Variants in MIPOL1 observed in about 807,000 individuals in gnomAD.
MIPOL1 encodes the protein mirror-image polydactyly 1.
In MIPOL1, 57 loss-of-function variants were observed where a neutral mutation model predicts 60.9. The ratio of observed to expected loss-of-function variants is 0.94; its 90% CI spans 0.76 to 1.17. MIPOL1 has a LOEUF of 1.17. Among genes scored for constraint, MIPOL1 ranks in the 50% most tolerant of loss-of-function variants. The pLI is 0.00. For missense variants in MIPOL1, 551 were observed against 511.6 expected, an observed-to-expected ratio of 1.08 and a Z score of -0.74; for synonymous variants, 179 against 168.8, an observed-to-expected ratio of 1.06 and a Z score of -0.47.
chr14:37,254,502 G>A (rs1974603569), intron 3 of MIPOL1, among the ~76,000 whole-genome samples: 1 of 151,620 alleles, frequency 6.6e-6, no homozygotes, highest in Non-Finnish European at 1.5e-5. Flanking sequence ...TAGATTTACA[G>A]TAAAATTGAG....
chr14:37,485,760 A>C (rs1010173246), intron 11 of MIPOL1, among the ~76,000 whole-genome samples: 90 of 151,808 alleles, frequency 5.9e-4, no homozygotes, highest in African/African-American at 1.8e-3. Context: ...GATTGCAAAA[A>C]TTTTCTCCCA....
chr14:37,252,728 T>C (rs1268107735), intron 3 of MIPOL1, among the ~76,000 whole-genome samples: 4 of 151,936 alleles, frequency 2.6e-5, no homozygotes, highest in African/African-American at 9.7e-5. Context: ...AATTCTGTAA[T>C]TGAATTATAA....
chr14:37,348,729 A>G (rs534871605), intron 9 of MIPOL1, among the ~76,000 whole-genome samples: 1 of 151,596 alleles, frequency 6.6e-6, no homozygotes, highest in Admixed American at 6.6e-5. Context: ...GAACCATCTC[A>G]TCTCTCTCCT....
chr14:37,214,255 A>G (rs1567012653), intron 1 of MIPOL1, among the ~76,000 whole-genome samples: 1 of 152,238 alleles, frequency 6.6e-6, no homozygotes, highest in Non-Finnish European at 1.5e-5. Context: ...ACAAAAAAGT[A>G]GTAACTTCAG....
intron 9 of MIPOL1, among the ~76,000 whole-genome samples, chr14:37,356,934 C>T (rs1056293113): frequency 6.6e-6 from 1 of 152,118 alleles, no homozygotes; most frequent in Non-Finnish European, 1.5e-5. Context: ...CTCCTCCCCC[C>T]AGGATCTCAT....
chr14:37,423,235 C>G (rs932388672), intron 11 of MIPOL1, among the ~76,000 whole-genome samples: 2 of 150,920 alleles, frequency 1.3e-5, no homozygotes, highest in African/African-American at 4.8e-5. Context: ...AGCTATTTGC[C>G]CATCTAAATA....
intron 9 of MIPOL1, among the ~76,000 whole-genome samples, chr14:37,320,152 T>G (rs146940387): frequency 1.1e-4 from 16 of 152,272 alleles, no homozygotes; most frequent in African/African-American, 3.8e-4. Flanking sequence ...GGCCTTAGCA[T>G]TTATTTATTT....
chr14:37,503,024 T>C (rs1359118834), intron 12 of MIPOL1: 2 of 152,166 alleles, frequency 1.3e-5, no homozygotes, highest in Non-Finnish European at 1.5e-5. Flanking sequence ...AGGATATCAG[T>C]GATTGAAGAT....
At chr14:37,291,898 T>C (rs2085090096) in intron 7 of MIPOL1, among the ~76,000 whole-genome samples, 1 of 149,836 alleles carries the variant, frequency 6.7e-6, no homozygotes, top group South Asian at 2.1e-4. Flanking sequence ...TACTATTACA[T>C]ATTACAATGG....
chr14:37,308,070 A>C lies in MIPOL1; in HGVS notation c.638A>C (p.Asn213Thr), dbSNP rs1227888933. Residue 213 changes from asparagine (N) to threonine (T), a missense_variant, in exon 8 of 13, where the codon AAC becomes ACC. Physicochemically the swap from Asn to Thr is moderately conservative, Grantham distance 65 (BLOSUM62 0). Coordinates refer to ENST00000684589, the MANE Select transcript of MIPOL1 (RefSeq NM_001388067.1). The stretch of plus-strand genomic sequence containing the variant: ...CTTTTTTCTAGGCTAGAAAATATTA[A>C]CCCTGAAGAAAATGACATGGTAAGC... Reference protein sequence around the residue: ...EMSLKVLENINPEENDMTLQE... With the variant: ...EMSLKVLENITPEENDMTLQE... The C allele has an allele frequency of 6.2e-7, 1 of 1,611,128 alleles. No individual in the cohort carries two copies. The highest frequency in any genetic ancestry group is 8.5e-7 in the Non-Finnish European group (1 of 1,178,342).
At chr14:37,339,555 G>A (rs535903660) in intron 9 of MIPOL1, among the ~76,000 whole-genome samples, 1 of 152,244 alleles carries the variant, frequency 6.6e-6, no homozygotes, top group African/African-American at 2.4e-5. Context: ...TGATGTGAAA[G>A]TCATTTTATC....
At chr14:37,280,856 A>G (rs1418751946) in intron 6 of MIPOL1, among the ~76,000 whole-genome samples, 1 of 152,066 alleles carries the variant, frequency 6.6e-6, no homozygotes, top group Non-Finnish European at 1.5e-5. Context: ...ACAGGGTTTC[A>G]TCATGTTGGT....
intron 9 of MIPOL1, among the ~76,000 whole-genome samples, chr14:37,364,007 C>T (rs756493882): frequency 1.3e-4 from 20 of 152,270 alleles, no homozygotes; most frequent in Non-Finnish European, 1.8e-4. Context: ...GTATTTGGGC[C>T]GGAATGTCCC....
At position 37,317,434 on chromosome 14, in the gene MIPOL1, C is replaced by T. The variant is rs550076653; in HGVS notation, c.828+8915C>T. ...ATTTCCTTTAGCAGTATTCCAATCT[C>T]GAGTGTGGTGTGAGTAGTGTGGTGT... is the stretch of plus-strand genomic sequence containing the variant. On this transcript the variant is annotated intron_variant, in intron 9 of 12. Transcript: ENST00000684589. Among the ~76,000 whole-genome samples, 10 of 152,178 alleles carry T rather than the reference C, an allele frequency of 6.6e-5. No homozygotes were observed. In the East Asian group the frequency reaches 1.7e-3, roughly 26 times the overall value.
At chr14:37,318,383 A>G (rs2088166295) in intron 9 of MIPOL1, among the ~76,000 whole-genome samples, 1 of 152,196 alleles carries the variant, frequency 6.6e-6, no homozygotes, top group Non-Finnish European at 1.5e-5. Context: ...ATTTAGAGTT[A>G]TGTTTTTCAG....
intron 12 of MIPOL1, among the ~76,000 whole-genome samples, chr14:37,533,482 G>C (rs1163062999): frequency 6.6e-6 from 1 of 152,162 alleles, no homozygotes; most frequent in Non-Finnish European, 1.5e-5. Context: ...TGTTTTAGAT[G>C]AGACAGTGAT....
At chr14:37,519,656 C>T (rs1448384059) in intron 12 of MIPOL1, among the ~76,000 whole-genome samples, 2 of 151,884 alleles carry the variant, frequency 1.3e-5, no homozygotes, top group Non-Finnish European at 2.9e-5. Flanking sequence ...ATGAAAAAGA[C>T]ACTGTTACAG....
At chr14:37,282,347 TCTC>T (rs1425847509) in intron 6 of MIPOL1, among the ~76,000 whole-genome samples, 1 of 151,694 alleles carries the variant, frequency 6.6e-6, no homozygotes, top group African/African-American at 2.4e-5. Flanking sequence ...GTTCAAGCGA[TCTC>T]CTGCCTCAGC....
intron 11 of MIPOL1, among the ~76,000 whole-genome samples, chr14:37,497,125 C>G (rs1315575068): frequency 6.6e-6 from 1 of 152,060 alleles, no homozygotes; most frequent in Admixed American, 6.6e-5. Flanking sequence ...CTTCCTTACA[C>G]CTTATACAAA....
Sources: gnomAD v4.1 joint callset for allele counts (sites outside exome capture counted in the v4.1 genomes callset) on GRCh38, gnomAD v4.1.1 for gene constraint, MANE v1.5 for transcripts, NCBI Gene and HGNC (gene_info 2026-07-23, HGNC 2026-07-21) for gene names.